Variants in GK observed in about 807,000 individuals in gnomAD.
GK encodes the protein glycerol kinase.
In GK, 9 loss-of-function variants were observed where a neutral mutation model predicts 56.4. The ratio of observed to expected loss-of-function variants is 0.16; its 90% CI spans 0.10 to 0.28. The LOEUF (loss-of-function observed/expected upper bound fraction) is 0.28. Ranked by LOEUF, GK falls within the 10% of genes least tolerant of loss-of-function variation. GK has a pLI of 1.00. For synonymous variants in GK, 104 were observed against 144.1 expected (o/e 0.72, Z 1.99); for missense variants, 161 against 431.4 (o/e 0.37, Z 5.55).
At chrX:30,681,264 A>G (rs1934264819) in intron 4 of GK, among the ~76,000 whole-genome samples, 1 of 112,383 alleles carries the variant, frequency 8.9e-6, no homozygotes, top group Non-Finnish European at 1.9e-5. Flanking sequence ...CTTGGCAAAG[A>G]ATTGGAAGTC....
chrX:30,718,603 C>T lies in GK; in HGVS notation c.1041C>T (p.Thr347=), dbSNP rs1936743310. ...WLRDNLGIIK[T]SEEIEKLAKE... ...GAGACAATCTTGGAATTATAAAGACCTCAGAAGAAATTGGTGAGTGTGTTC... is the reference window on the plus strand; with the variant it reads ...GAGACAATCTTGGAATTATAAAGACTTCAGAAGAAATTGGTGAGTGTGTTC... The change falls in exon 14 of 21, where the codon ACC becomes ACT. Residue 347 remains threonine, a synonymous_variant. Transcript: ENST00000427190. 1.3e-5 allele frequency: 15 copies of T among 1,155,598 alleles called. No individual in the cohort carries two copies. In the East Asian group the frequency reaches 4.5e-4, roughly 34 times the overall value.
intron 7 of GK, 92 bp from the exon 8 acceptor site, chrX:30,696,525 T>G: frequency 1.5e-6 from 1 of 657,705 alleles, no homozygotes; most frequent in Non-Finnish European, 2.5e-6. Flanking sequence ...CATTTCTAAT[T>G]GTTATTTATG....
intron 4 of GK, chrX:30,687,404 A>G: frequency 3.4e-6 from 1 of 291,562 alleles, no homozygotes. Context: ...TTTCTACACC[A>G]ATGTGTAGAA....
chrX:30,692,482 TC>T (rs994961734), intron 5 of GK, among the ~76,000 whole-genome samples: 1 of 110,982 alleles, frequency 9.0e-6, no homozygotes. Flanking sequence ...AATATCTCCT[TC>T]CATTTTTTTT....
chrX:30,667,012 G>A (rs1933124083), intron 2 of GK, among the ~76,000 whole-genome samples: 1 of 110,627 alleles, frequency 9.0e-6, no homozygotes, highest in African/African-American at 3.3e-5. Flanking sequence ...AAATTAGCCG[G>A]GCGTGGTGGC....
intron 4 of GK, among the ~76,000 whole-genome samples, chrX:30,684,591 G>C (rs998851149): frequency 3.0e-5 from 3 of 100,765 alleles, no homozygotes; most frequent in African/African-American, 1.1e-4. Context: ...GCTTGAACCC[G>C]GGAGGCGGAG....
At chrX:30,702,022 T>G (rs1437633389) in intron 11 of GK, among the ~76,000 whole-genome samples, 1 of 110,961 alleles carries the variant, frequency 9.0e-6, no homozygotes, top group Non-Finnish European at 1.9e-5. Flanking sequence ...ATTTATTTAT[T>G]TATTTTTACT....
chrX:30,694,682 T>G, intron 6 of GK, 145 bp downstream of exon 6: 1 of 493,845 alleles, frequency 2.0e-6, no homozygotes. Context: ...AGGAGAAGTT[T>G]TCAGCTTCCA....
chrX:30,706,541 A>G (rs925167542), intron 11 of GK, among the ~76,000 whole-genome samples: 1 of 112,160 alleles, frequency 8.9e-6, no homozygotes, highest in African/African-American at 3.2e-5. Flanking sequence ...TGTTACCCCA[A>G]GCTTAACTGT....
intron 4 of GK, among the ~76,000 whole-genome samples, chrX:30,689,836 A>G (rs1314828181): frequency 8.9e-6 from 1 of 112,127 alleles, no homozygotes; most frequent in Non-Finnish European, 1.9e-5. Context: ...AGGAGTAGAT[A>G]CTGGGCAGCA....
chrX:30,655,499 G>A (rs945123148), intron 1 of GK, among the ~76,000 whole-genome samples: 1 of 112,339 alleles, frequency 8.9e-6, no homozygotes, highest in Non-Finnish European at 1.9e-5. Flanking sequence ...CAGATTAAAA[G>A]CAGGTAGTCT....
chrX:30,664,056 CTA>C (rs1439059697), intron 1 of GK, among the ~76,000 whole-genome samples: 2 of 76,448 alleles, frequency 2.6e-5, no homozygotes, highest in East Asian at 3.6e-4. Context: ...TTATATATAT[CTA>C]TATATATTTT....
At chrX:30,654,670 C>A (rs1448436021) in intron 1 of GK, among the ~76,000 whole-genome samples, 2 of 110,912 alleles carry the variant, frequency 1.8e-5, no homozygotes, top group African/African-American at 6.6e-5. Flanking sequence ...TTGCAGTGAG[C>A]AGAGATCACA....
At chrX:30,707,069 G>A (rs1470229098) in intron 11 of GK, among the ~76,000 whole-genome samples, 2 of 111,877 alleles carry the variant, frequency 1.8e-5, no homozygotes, top group Non-Finnish European at 1.9e-5. Context: ...TGGCTTAAAC[G>A]TCTGTAATCC....
At chrX:30,653,746 C>T (rs1932019897) in intron 1 of GK, 131 bp downstream of exon 1, 4 of 602,371 alleles carry the variant, frequency 6.6e-6, no homozygotes, top group Non-Finnish European at 1.1e-5. Context: ...GGAGGGAGGC[C>T]GGAACGGGAC....
At chrX:30,723,458 C>T (rs1310988248) in intron 18 of GK, among the ~76,000 whole-genome samples, 1 of 110,736 alleles carries the variant, frequency 9.0e-6, no homozygotes, top group East Asian at 2.8e-4. Flanking sequence ...TACCCTTTTC[C>T]TCGTACCCTT....
chrX:30,707,144 C>T (rs1468035355), intron 11 of GK, among the ~76,000 whole-genome samples: 1 of 111,175 alleles, frequency 9.0e-6, no homozygotes, highest in Non-Finnish European at 1.9e-5. Context: ...TCCTGACTAA[C>T]ACGGTGAAAC....
At chrX:30,660,812 C>CTT (rs57537572) in intron 1 of GK, among the ~76,000 whole-genome samples, 3 of 83,333 alleles carry the variant, frequency 3.6e-5, no homozygotes, top group Non-Finnish European at 4.6e-5. Context: ...TTTCTTTCTT[C>CTT]TTTTTTTTTT....
chrX:30,689,468 C>T (rs1336449923), intron 4 of GK: 1 of 328,000 alleles, frequency 3.0e-6, no homozygotes, highest in Admixed American at 3.1e-5. Flanking sequence ...CTCTTGGAAG[C>T]AGCAGTGCAA....
Sources: gnomAD v4.1 joint callset for allele counts (sites outside exome capture counted in the v4.1 genomes callset) on GRCh38, gnomAD v4.1.1 for gene constraint, MANE v1.5 for transcripts, NCBI Gene and HGNC (gene_info 2026-07-23, HGNC 2026-07-21) for gene names.